SAMD12: variants seen among roughly 807,000 people sequenced by gnomAD.
SAMD12 encodes the protein sterile alpha motif domain containing 12, also known as sterile alpha motif domain-containing protein 12.
Under a neutral mutation model 15.0 loss-of-function variants are expected in SAMD12, and 9 were observed. The observed-to-expected ratio is 0.60, with a 90% CI of 0.36 to 1.05. The LOEUF (loss-of-function observed/expected upper bound fraction) is 1.05, where lower values mean the gene tolerates loss of function less well. Ranked by LOEUF, SAMD12 falls within the 50% of genes least tolerant of loss-of-function variation. The pLI is 0.01. For synonymous variants in SAMD12, 86 were observed against 90.1 expected, an observed-to-expected ratio of 0.96 and a Z score of 0.25; for missense variants, 230 against 234.2, an observed-to-expected ratio of 0.98 and a Z score of 0.12.
intron 4 of SAMD12, among the ~76,000 whole-genome samples, chr8:118,308,019 T>G (rs34997644): frequency 0.17 from 25,772 of 152,254 alleles, 2,457 homozygotes; most frequent in Non-Finnish European, 0.22. Flanking sequence ...TTCCTGTAAC[T>G]GTTCCCCTTC....
the SAMD12 span, among the ~76,000 whole-genome samples, chr8:118,146,737 A>G: frequency 8.5e-5 from 13 of 152,176 alleles, no homozygotes; most frequent in African/African-American, 3.1e-4. Context: ...CAACAGAACA[A>G]AAAACTGACG....
chr8:118,257,314 A>G (rs916179945), intron 4 of SAMD12, among the ~76,000 whole-genome samples: 5 of 152,092 alleles, frequency 3.3e-5, no homozygotes, highest in Non-Finnish European at 7.4e-5. Flanking sequence ...ATAAAAAAAG[A>G]ACCATTAACC....
At chr8:118,248,366 T>A (rs1414468886) in intron 4 of SAMD12, among the ~76,000 whole-genome samples, 1 of 152,158 alleles carries the variant, frequency 6.6e-6, no homozygotes, top group African/African-American at 2.4e-5. Flanking sequence ...TTGGCTACTC[T>A]CATACAAACG....
At chr8:118,461,361 T>A (rs941819350) in intron 2 of SAMD12, among the ~76,000 whole-genome samples, 4 of 152,242 alleles carry the variant, frequency 2.6e-5, no homozygotes, top group Non-Finnish European at 5.9e-5. Flanking sequence ...GAACACATTA[T>A]ACTATGGATG....
intron 2 of SAMD12, among the ~76,000 whole-genome samples, chr8:118,444,537 CTT>C (rs753468369): frequency 6.4e-5 from 9 of 140,768 alleles, no homozygotes; most frequent in Admixed American, 7.1e-5. Flanking sequence ...TTGCAAATTA[CTT>C]TTTTTTTTTT....
intron 4 of SAMD12, among the ~76,000 whole-genome samples, chr8:118,323,413 T>C (rs1816396220): frequency 6.6e-6 from 1 of 152,052 alleles, no homozygotes; most frequent in Admixed American, 6.6e-5. Context: ...ACATAGGATG[T>C]CTAATATCTG....
chr8:118,344,875 T>C lies in SAMD12; in HGVS notation c.433+34685A>G, dbSNP rs1298500506. ...TGGTCCCATAAGATTATGATGGAGCTGAAATATTCTTATCACCTAGTAACA... is the reference window on the plus strand; with the variant it reads ...TGGTCCCATAAGATTATGATGGAGCCGAAATATTCTTATCACCTAGTAACA... On this transcript the variant is annotated intron_variant, in intron 4 of 4. Coordinates refer to the SAMD12 transcript ENST00000409003. Among the ~76,000 whole-genome samples the C allele has an allele frequency of 1.3e-5, 2 of 152,198 alleles. 1 individual carries two copies. The highest frequency in any genetic ancestry group is 2.9e-5 in the Non-Finnish European group (2 of 68,020).
intron 1 of SAMD12, among the ~76,000 whole-genome samples, chr8:118,604,780 G>T (rs956465496): frequency 6.6e-6 from 1 of 152,072 alleles, no homozygotes; most frequent in African/African-American, 2.4e-5. Flanking sequence ...AAATTAGGGG[G>T]GCGTGGTGGC....
chr8:118,408,459 A>T (rs1821241802), intron 3 of SAMD12, among the ~76,000 whole-genome samples: 1 of 152,174 alleles, frequency 6.6e-6, no homozygotes, highest in African/African-American at 2.4e-5. Flanking sequence ...TTCAGAGAGA[A>T]GTGTTCTGCT....
intron 4 of SAMD12, among the ~76,000 whole-genome samples, chr8:118,203,480 T>G (rs554964937): frequency 1.4e-4 from 22 of 152,238 alleles, no homozygotes; most frequent in African/African-American, 5.3e-4. Context: ...TTAGAATGTA[T>G]AGGACAGCCC....
At chr8:118,278,988 T>C (rs1365704676) in intron 4 of SAMD12, among the ~76,000 whole-genome samples, 4 of 152,190 alleles carry the variant, frequency 2.6e-5, no homozygotes, top group Non-Finnish European at 5.9e-5. Flanking sequence ...TTAACATGCT[T>C]TCCCAATGGG....
chr8:118,227,657 T>C (rs962271246), intron 4 of SAMD12, among the ~76,000 whole-genome samples: 16 of 152,218 alleles, frequency 1.1e-4, no homozygotes, highest in African/African-American at 3.9e-4. Context: ...AGGGATGTGA[T>C]TGAACATGTT....
At chr8:118,545,243 G>T (rs770543190) in intron 2 of SAMD12, among the ~76,000 whole-genome samples, 4 of 152,188 alleles carry the variant, frequency 2.6e-5, no homozygotes, top group Non-Finnish European at 5.9e-5. Context: ...GAAGTAGGTG[G>T]ATTACCTGAG....
chr8:118,192,841 G>A (rs1218090331), exon 5 of SAMD12: 1 of 152,186 alleles, frequency 6.6e-6, no homozygotes, highest in Non-Finnish European at 1.5e-5. Flanking sequence ...AGTATATGCT[G>A]TTGGTGCCTT....
At chr8:118,141,306 T>C in the SAMD12 span, among the ~76,000 whole-genome samples, 3 of 152,206 alleles carry the variant, frequency 2.0e-5, no homozygotes, top group African/African-American at 2.4e-5. Flanking sequence ...AAAATAAGAA[T>C]AATTGTTCCT....
At chr8:118,398,508 C>T (rs1317687285) in intron 3 of SAMD12, among the ~76,000 whole-genome samples, 1 of 152,202 alleles carries the variant, frequency 6.6e-6, no homozygotes, top group Non-Finnish European at 1.5e-5. Flanking sequence ...TAAAGCTTAT[C>T]TTCTCCATCC....
chr8:118,330,888 T>G lies in SAMD12; in HGVS notation c.433+48672A>C, dbSNP rs1333253458. Among the ~76,000 whole-genome samples the G allele has an allele frequency of 2.0e-5, 3 of 152,122 alleles. No homozygotes were observed. The South Asian group carries it at 6.2e-4, about 32-fold the overall frequency. ...ATGTTCACTATTTGGGGGACAAGTA[T>G]AGTAAAAGCCCTGACTCCACCACCA... is the stretch of plus-strand genomic sequence containing the variant. On this transcript the variant is annotated intron_variant, in intron 4 of 4. Transcript: ENST00000409003.
intron 1 of SAMD12, among the ~76,000 whole-genome samples, chr8:118,592,724 A>G (rs1325161232): frequency 6.6e-6 from 1 of 152,218 alleles, no homozygotes; most frequent in African/African-American, 2.4e-5. Context: ...ATTTGTACAT[A>G]CATCTGCATA....
At chr8:118,456,618 T>G (rs1823259804) in intron 2 of SAMD12, among the ~76,000 whole-genome samples, 1 of 152,224 alleles carries the variant, frequency 6.6e-6, no homozygotes, top group Non-Finnish European at 1.5e-5. Context: ...AGCAGGGTTT[T>G]CACGTCAAGA....
Sources: allele counts gnomAD v4.1 joint callset (sites outside exome capture counted in the v4.1 genomes callset), GRCh38; gene constraint gnomAD v4.1.1; transcripts MANE v1.5; gene names NCBI Gene and HGNC (gene_info 2026-07-23, HGNC 2026-07-21).